Variants in DNAH9 observed in about 807,000 individuals in gnomAD.
DNAH9 encodes the protein dynein axonemal heavy chain 9, also known as DNAH9 variant protein.
Under a neutral mutation model 471.6 loss-of-function variants are expected in DNAH9, and 345 were observed. That is an observed-to-expected ratio of 0.73 (90% CI 0.67 to 0.80). The LOEUF (loss-of-function observed/expected upper bound fraction) is 0.80. DNAH9 is among the 30% of genes least tolerant of loss of function. The pLI, the probability that DNAH9 is intolerant of heterozygous loss-of-function variation, is 0.00. For synonymous variants in DNAH9, 2,093 were observed against 2,123.6 expected (o/e 0.99, Z 0.40); for missense variants, 5,407 against 5,609.2 (o/e 0.96, Z 1.15).
At chr17:11,756,201 C>T (rs1343950656) in intron 33 of DNAH9, among the ~76,000 whole-genome samples, 1 of 151,644 alleles carries the variant, frequency 6.6e-6, no homozygotes, top group Non-Finnish European at 1.5e-5. Flanking sequence ...GGCATGAACC[C>T]TGGAGGCAGA....
intron 2 of DNAH9, 55 bp from the exon 3 acceptor site, chr17:11,610,341 C>A: frequency 6.9e-7 from 1 of 1,454,064 alleles, no homozygotes; most frequent in Non-Finnish European, 9.5e-7. Context: ...GTTATTTTCA[C>A]GCCTCAGGGT....
At chr17:11,850,379 C>A (rs140535654) in intron 49 of DNAH9, among the ~76,000 whole-genome samples, 1 of 152,090 alleles carries the variant, frequency 6.6e-6, no homozygotes, top group Non-Finnish European at 1.5e-5. Flanking sequence ...CTAGGCATGG[C>A]GGCTCACGCC....
At position 11,822,456 on chromosome 17, in the gene DNAH9, CCT is replaced by C. The variant is rs749364709; in HGVS notation, c.8870_8871del (p.Pro2957ArgfsTer47). 52 of 1,614,192 alleles carry C rather than the reference CCT, an allele frequency of 3.2e-5. No homozygotes were observed. Among genetic ancestry groups the C allele is most frequent in the Non-Finnish European group, 4.2e-5 (50 of 1,180,046 alleles). ...TTCTCAGGTGACTCTCTGTTTCTCCCCTGTGGGAAACAAGCTAAGAGTCCGCA... is the reference window on the plus strand; with the variant it reads ...TTCTCAGGTGACTCTCTGTTTCTCCCGTGGGAAACAAGCTAAGAGTCCGCA... ...RQLKVTLCFS[P>X]VGNKLRVRSR... On this transcript the variant is annotated frameshift_variant, in exon 47 of 69. Coordinates refer to ENST00000262442, the MANE Select transcript of DNAH9 (RefSeq NM_001372.4). LOFTEE classifies it high-confidence loss of function.
intron 60 of DNAH9, among the ~76,000 whole-genome samples, 189 bp from the exon 61 acceptor site, chr17:11,905,472 G>A (rs567545031): frequency 7.9e-5 from 12 of 152,258 alleles, no homozygotes; most frequent in South Asian, 6.2e-4. Context: ...TGAGCAGCTC[G>A]GCAACTAGCA....
intron 19 of DNAH9, among the ~76,000 whole-genome samples, chr17:11,687,016 T>G (rs1008973894): frequency 6.6e-6 from 1 of 152,186 alleles, no homozygotes; most frequent in Non-Finnish European, 1.5e-5. Context: ...CAAGAACTCC[T>G]CACCCTTGGT....
Position 11,854,482 on chromosome 17 carries a change from G to A in DNAH9, c.9933+54G>A, listed in dbSNP as rs1025238993. 3.3e-5 allele frequency: 51 copies of A among 1,540,292 alleles called. No individual in the cohort carries two copies. The South Asian group carries it at 3.9e-4, about 12-fold the overall frequency. On this transcript the variant is annotated intron_variant, in intron 50 of 68. Transcript: ENST00000262442. Reference sequence around the variant, plus strand: ...CTAGTCCGCCTCCAATACAAACAACGCTCTTCAGACACCATCTAACACCTA... The same window carrying A: ...CTAGTCCGCCTCCAATACAAACAACACTCTTCAGACACCATCTAACACCTA...
intron 61 of DNAH9, among the ~76,000 whole-genome samples, chr17:11,907,526 A>AC (rs924610150): frequency 3.3e-5 from 5 of 151,122 alleles, no homozygotes; most frequent in Admixed American, 6.6e-5. Flanking sequence ...GGCATGTCTG[A>AC]CCCCCCCTTC....
intron 6 of DNAH9, among the ~76,000 whole-genome samples, chr17:11,620,621 C>T (rs1250298186): frequency 2.0e-5 from 3 of 152,016 alleles, no homozygotes; most frequent in Non-Finnish European, 4.4e-5. Flanking sequence ...ATCATAGACC[C>T]ATTTAGGAAG....
chr17:11,695,599 A>G (rs921517669), intron 22 of DNAH9, among the ~76,000 whole-genome samples: 1 of 152,216 alleles, frequency 6.6e-6, no homozygotes, highest in African/African-American at 2.4e-5. Flanking sequence ...TTTTTTGAGT[A>G]TTAAAGTAAC....
intron 11 of DNAH9, among the ~76,000 whole-genome samples, chr17:11,646,791 T>C (rs2073400958): frequency 6.6e-6 from 1 of 152,086 alleles, no homozygotes; most frequent in Non-Finnish European, 1.5e-5. Context: ...CACATGCCTG[T>C]AATCCCAGCT....
chr17:11,818,885 C>CTATTATTATTAT (rs140324358), intron 45 of DNAH9, among the ~76,000 whole-genome samples: 26 of 147,208 alleles, frequency 1.8e-4, no homozygotes, highest in African/African-American at 3.2e-4. Flanking sequence ...TCCATTATTA[C>CTATTATTATTAT]TATTATTATT....
intron 38 of DNAH9, among the ~76,000 whole-genome samples, chr17:11,778,418 G>A (rs1348676222): frequency 4.7e-5 from 7 of 149,186 alleles, no homozygotes; most frequent in African/African-American, 1.7e-4. Context: ...TTGAGGAGGA[G>A]AACAGGAGAG....
intron 29 of DNAH9, among the ~76,000 whole-genome samples, chr17:11,739,695 C>A (rs541065484): frequency 6.6e-6 from 1 of 152,132 alleles, no homozygotes; most frequent in African/African-American, 2.4e-5. Flanking sequence ...TACCGGTGGA[C>A]ATTGCCATAT....
chr17:11,815,804 G>A (rs1457543937), intron 45 of DNAH9, among the ~76,000 whole-genome samples: 7 of 151,964 alleles, frequency 4.6e-5, no homozygotes, highest in Non-Finnish European at 1.5e-5. Flanking sequence ...AAAGAAAAAA[G>A]AAAACAAACA....
chr17:11,921,910 T>C (rs1353488246), intron 61 of DNAH9, among the ~76,000 whole-genome samples: 1 of 152,188 alleles, frequency 6.6e-6, no homozygotes, highest in Non-Finnish European at 1.5e-5. Context: ...TCTTTGCCCA[T>C]ATCCTTCTGT....
chr17:11,871,681 CA>C lies in DNAH9; in HGVS notation c.10138del (p.Ile3380PhefsTer4). 6.2e-7 allele frequency: 1 copy of C among 1,614,222 alleles called. No individual in the cohort carries two copies. The highest frequency in any genetic ancestry group is 1.6e-4 in the Middle Eastern group (1 of 6,062). Reference protein sequence around the residue: ...KQQERTLCGDILLITAFISYL... With the variant: ...KQQERTLCGDXLLITAFISYL... ...AGCAGGAAAGGACGTTATGTGGAGA[CA>C]TTTTACTTATAACGGCTTTCATTTC... On this transcript the variant is annotated frameshift_variant, in exon 52 of 69. Coordinates refer to ENST00000262442, the MANE Select transcript of DNAH9 (RefSeq NM_001372.4). LOFTEE classifies it high-confidence loss of function.
chr17:11,752,039 A>G (rs1347023495), intron 32 of DNAH9, among the ~76,000 whole-genome samples: 1 of 152,224 alleles, frequency 6.6e-6, no homozygotes, highest in Non-Finnish European at 1.5e-5. Flanking sequence ...CATTTAACCA[A>G]ACACATATAT....
At position 11,619,789 on chromosome 17, in the gene DNAH9, C is replaced by T. The variant is rs369152348; in HGVS notation, c.1350+8C>T. On this transcript the variant is annotated splice_region_variant and intron_variant, in intron 6 of 68. Coordinates refer to ENST00000262442, the MANE Select transcript of DNAH9 (RefSeq NM_001372.4). ...CAACTGCACGTGGTGGAGGTGAGTG[C>T]GCACCTCACCTCAGGCTGCCAGCCC... 107 of 1,515,374 alleles carry T rather than the reference C, an allele frequency of 7.1e-5. No homozygotes were observed. In the South Asian group the frequency reaches 7.6e-4, roughly 11 times the overall value. 93.9% of individuals were successfully genotyped at this position (1,515,374 alleles called of 1,614,324 possible). A position where few individuals can be genotyped will look rare whatever the true frequency, so the allele number is the denominator to read the frequency against.
chr17:11,823,156 C>T, intron 48 of DNAH9, 122 bp downstream of exon 48: 1 of 805,964 alleles, frequency 1.2e-6, no homozygotes, highest in Non-Finnish European at 1.9e-6. Flanking sequence ...TCCAGAGACT[C>T]CCATGTCATC....
Sources: gnomAD v4.1 joint callset for allele counts (sites outside exome capture counted in the v4.1 genomes callset) on GRCh38, gnomAD v4.1.1 for gene constraint, MANE v1.5 for transcripts, NCBI Gene and HGNC (gene_info 2026-07-23, HGNC 2026-07-21) for gene names.